Variants in ATP10B observed in about 807,000 individuals in gnomAD.
ATP10B encodes the protein phospholipid-transporting ATPase VB.
In ATP10B, 122 loss-of-function variants were observed where a neutral mutation model predicts 141.2. The ratio of observed to expected loss-of-function variants is 0.86; its 90% CI spans 0.75 to 1.00. The LOEUF (loss-of-function observed/expected upper bound fraction) is 1.00, where lower values mean the gene tolerates loss of function less well. Among genes scored for constraint, ATP10B ranks in the 50% least tolerant of loss-of-function variants. The pLI is 0.00. For synonymous variants in ATP10B, 685 were observed against 692.0 expected (o/e 0.99, Z 0.16); for missense variants, 1,876 against 1,825.3 (o/e 1.03, Z -0.51).
At chr5:160,897,744 G>A in the ATP10B span, among the ~76,000 whole-genome samples, 1 of 152,096 alleles carries the variant, frequency 6.6e-6, no homozygotes, top group Non-Finnish European at 1.5e-5. Context: ...ACAATCCTAA[G>A]CCAAAAGAAC....
intron 1 of ATP10B, among the ~76,000 whole-genome samples, chr5:160,842,081 TAAAGCAA>T (rs1775843776): frequency 6.6e-6 from 1 of 152,146 alleles, no homozygotes; most frequent in African/African-American, 2.4e-5. Flanking sequence ...AGGCTAGCCA[TAAAGCAA>T]GTCTCAAAAA....
chr5:160,659,434 C>T (rs1581292748), intron 7 of ATP10B, among the ~76,000 whole-genome samples: 2 of 152,114 alleles, frequency 1.3e-5, no homozygotes, highest in East Asian at 3.9e-4. Flanking sequence ...CATTGCACTC[C>T]AGCCCAGGCA....
intron 2 of ATP10B, among the ~76,000 whole-genome samples, chr5:160,724,631 C>A (rs996759347): frequency 6.6e-6 from 1 of 152,182 alleles, no homozygotes; most frequent in Non-Finnish European, 1.5e-5. Flanking sequence ...TTTCTAAGTT[C>A]CCCTTCTCTC....
chr5:160,890,027 C>G, the ATP10B span, among the ~76,000 whole-genome samples: 1 of 152,158 alleles, frequency 6.6e-6, no homozygotes, highest in African/African-American at 2.4e-5. Context: ...GAAAGCCTTC[C>G]CTGACTCCCT....
At chr5:160,719,175 C>T (rs1247812963) in intron 2 of ATP10B, among the ~76,000 whole-genome samples, 1 of 152,094 alleles carries the variant, frequency 6.6e-6, no homozygotes, top group Non-Finnish European at 1.5e-5. Flanking sequence ...CTGAGACGGG[C>T]GGATCACGAG....
the ATP10B span, among the ~76,000 whole-genome samples, chr5:160,864,886 C>A: frequency 2.9e-3 from 445 of 152,106 alleles, 5 homozygotes; most frequent in Non-Finnish European, 5.0e-3. Context: ...TGAAAGGTTT[C>A]TGCAAGGAAA....
intron 6 of ATP10B, among the ~76,000 whole-genome samples, chr5:160,680,686 A>G (rs780383551): frequency 1.3e-5 from 2 of 152,202 alleles, no homozygotes; most frequent in Non-Finnish European, 2.9e-5. Flanking sequence ...TGGCTTTTAC[A>G]TCTTCCTGGA....
At chr5:160,810,489 A>G (rs1773081597) in intron 1 of ATP10B, among the ~76,000 whole-genome samples, 1 of 152,176 alleles carries the variant, frequency 6.6e-6, no homozygotes, top group Non-Finnish European at 1.5e-5. Context: ...TGTCTAGTGC[A>G]TGGAAAATTT....
At chr5:160,634,691 C>T (rs1759224524) in intron 11 of ATP10B, 85 bp from the exon 12 acceptor site, 13 of 1,453,318 alleles carry the variant, frequency 8.9e-6, no homozygotes, top group Non-Finnish European at 1.2e-5. Context: ...AAAGGCATTT[C>T]ATAGAAAGTT....
chr5:160,757,279 G>T (rs563730494), intron 2 of ATP10B, among the ~76,000 whole-genome samples: 9 of 152,052 alleles, frequency 5.9e-5, no homozygotes, highest in South Asian at 4.1e-4. Context: ...CTGTTCTATT[G>T]ATCTATATGC....
chr5:160,795,977 T>A (rs1432443419), intron 1 of ATP10B, among the ~76,000 whole-genome samples: 1 of 152,186 alleles, frequency 6.6e-6, no homozygotes, highest in Admixed American at 6.5e-5. Flanking sequence ...TCCTCACTTG[T>A]ACTACAGGTG....
intron 2 of ATP10B, among the ~76,000 whole-genome samples, chr5:160,763,744 T>C (rs1393187671): frequency 6.6e-6 from 1 of 151,668 alleles, no homozygotes; most frequent in Non-Finnish European, 1.5e-5. Flanking sequence ...ACAAAAAATA[T>C]GCAAAAGGTA....
chr5:160,674,252 A>T (rs1247292664), intron 6 of ATP10B, among the ~76,000 whole-genome samples: 1 of 152,176 alleles, frequency 6.6e-6, no homozygotes, highest in Admixed American at 6.5e-5. Context: ...ATGCACCTCC[A>T]CCCATGAACA....
chr5:160,645,454 C>A (rs1760210412), intron 8 of ATP10B, among the ~76,000 whole-genome samples: 1 of 152,262 alleles, frequency 6.6e-6, no homozygotes, highest in African/African-American at 2.4e-5. Flanking sequence ...CGGCCTCTTT[C>A]CTGTACCAGC....
chr5:160,571,975 A>T (rs1356354739), intron 24 of ATP10B, among the ~76,000 whole-genome samples: 2 of 152,140 alleles, frequency 1.3e-5, no homozygotes, highest in East Asian at 3.9e-4. Context: ...TTGGGATCCT[A>T]TTTTAATGTT....
chr5:160,583,103 A>G (rs1394675295), intron 24 of ATP10B, among the ~76,000 whole-genome samples: 2 of 152,136 alleles, frequency 1.3e-5, no homozygotes, highest in Non-Finnish European at 2.9e-5. Context: ...CTCATTCTCC[A>G]TCCAGTTTTG....
intron 24 of ATP10B, among the ~76,000 whole-genome samples, chr5:160,582,792 T>C (rs548992205): frequency 6.6e-6 from 1 of 152,064 alleles, no homozygotes; most frequent in Non-Finnish European, 1.5e-5. Context: ...CCATTCTTTT[T>C]TCTCTAATCT....
chr5:160,842,284 T>C (rs561449629), intron 1 of ATP10B, among the ~76,000 whole-genome samples: 1 of 152,180 alleles, frequency 6.6e-6, no homozygotes, highest in East Asian at 1.9e-4. Flanking sequence ...TTAAATTACA[T>C]GAAAATGAAT....
rs553838087 is a variant in ATP10B at position 160,670,036 on chromosome 5, G to A, written c.675+427C>T. Among the ~76,000 whole-genome samples, 60 of 152,162 alleles carry A rather than the reference G, an allele frequency of 3.9e-4. 2 individuals are homozygous for A. In the South Asian group the frequency reaches 1.0e-2, roughly 25 times the overall value. ...AATGATACCTTGCTGCAGTTTAGGA[G>A]GGGCAGAAGGAATATTAGGATTCGT... On this transcript the variant is annotated intron_variant, in intron 7 of 25. Transcript: ENST00000327245.
Sources: gnomAD v4.1 joint callset for allele counts (sites outside exome capture counted in the v4.1 genomes callset) on GRCh38, gnomAD v4.1.1 for gene constraint, MANE v1.5 for transcripts, NCBI Gene and HGNC (gene_info 2026-07-23, HGNC 2026-07-21) for gene names.